Variants in TRPM4 observed in about 807,000 individuals in gnomAD.
TRPM4 encodes transient receptor potential cation channel subfamily M member 4, also known as calcium-activated non-selective cation channel 1.
A neutral mutation model predicts 135.6 loss-of-function variants in TRPM4; 124 were observed. The observed-to-expected ratio is 0.91, with a 90% CI of 0.79 to 1.06. The LOEUF (loss-of-function observed/expected upper bound fraction) is 1.06. Among genes scored for constraint, TRPM4 ranks in the 50% least tolerant of loss-of-function variants. TRPM4 has a pLI of 0.00. For synonymous variants in TRPM4, 745 were observed against 705.6 expected, an observed-to-expected ratio of 1.06 and a Z score of -0.88; for missense variants, 1,658 against 1,671.4, an observed-to-expected ratio of 0.99 and a Z score of 0.14.
chr19:49,190,432 AG>A, intron 15 of TRPM4, 112 bp downstream of exon 15: 1 of 1,017,608 alleles, frequency 9.8e-7, no homozygotes. Context: ...TCCCTTCCCT[AG>A]GAATGGGACT....
In TRPM4 at chr19:49,200,430, A is replaced by C. The variant is rs1187746752; in HGVS notation, c.2776A>C (p.Met926Leu). Reference protein sequence around the residue: ...LGPKIVIVSKMMKDVFFFLFF... With the variant: ...LGPKIVIVSKLMKDVFFFLFF... ...GCCCAAGATCGTCATCGTGAGCAAGATGGTGAGGCAGGGGCGGGGCCAAAG... is the reference window on the plus strand; with the variant it reads ...GCCCAAGATCGTCATCGTGAGCAAGCTGGTGAGGCAGGGGCGGGGCCAAAG... The change falls in exon 18 of 25, where the codon ATG (methionine) becomes CTG (leucine). Residue 926 changes from methionine (M) to leucine (L), a missense_variant and splice_region_variant. Met to Leu is a conservative substitution (Grantham distance 15). Around this residue, in one of 3 missense-constraint regions of TRPM4, gnomAD observed 1,412 missense variants for 1,408.7 expected, o/e 1.00. Transcript: ENST00000252826. 13 of 1,347,624 alleles carry C rather than the reference A, an allele frequency of 9.6e-6. No homozygotes were observed. The highest frequency in any genetic ancestry group is 1.1e-5 in the Non-Finnish European group (11 of 1,008,792). The allele number at this position is 1,347,624 out of a possible 1,614,324, so 83.5% of individuals were successfully genotyped here.
At chr19:49,204,611 C>T (rs1969074732) in intron 20 of TRPM4, among the ~76,000 whole-genome samples, 1 of 152,046 alleles carries the variant, frequency 6.6e-6, no homozygotes, top group Non-Finnish European at 1.5e-5. Flanking sequence ...ACACCTGCAG[C>T]CTCAACCTCC....
At position 49,211,212 on chromosome 19, in the gene TRPM4, C is replaced by T. The variant is rs1408610953; in HGVS notation, c.3583C>T (p.Arg1195Cys). ...GGGGTGGGTGGCCGAGGCCCTGAGC[C>T]GCTCTGCCTTGCTGCCCCCAGGTGG... is the stretch of plus-strand genomic sequence containing the variant. ...VLGWVAEALS[R>C]SALLPPGGPP... Residue 1195 changes from arginine (R) to cysteine (C), a missense_variant, in exon 24 of 25, where the codon CGC becomes TGC. By Grantham distance (180) the Arg-to-Cys change is radical. Transcript: ENST00000252826. The surrounding 1 kb of genome is among the most constrained non-coding windows in gnomAD (Gnocchi z 4.8). The T allele has an allele frequency of 9.4e-6, 15 of 1,599,896 alleles. No individual in the cohort carries two copies. The highest frequency in any genetic ancestry group is 1.3e-5 in the African/African-American group (1 of 74,774).
At chr19:49,209,921 G>T (rs1272220715) in intron 20 of TRPM4, among the ~76,000 whole-genome samples, 2 of 152,004 alleles carry the variant, frequency 1.3e-5, no homozygotes, top group East Asian at 3.9e-4. Flanking sequence ...GCTAATTTTT[G>T]TATTTTTAGT....
intron 20 of TRPM4, among the ~76,000 whole-genome samples, chr19:49,205,167 G>A (rs1290005635): frequency 6.6e-6 from 1 of 151,808 alleles, no homozygotes; most frequent in African/African-American, 2.4e-5. Flanking sequence ...AAAACTGTGT[G>A]GCTTTAAATC....
intron 12 of TRPM4, among the ~76,000 whole-genome samples, chr19:49,183,496 A>G (rs1046285687): frequency 6.6e-6 from 1 of 152,016 alleles, no homozygotes; most frequent in Non-Finnish European, 1.5e-5. Flanking sequence ...TCCCGGGTTC[A>G]AGTAATTCTC....
At position 49,157,813 on chromosome 19, in the gene TRPM4, G is replaced by T; in HGVS notation, c.-54G>T. Reference sequence around the variant, plus strand: ...CTGGGCGGGTCTGGAAGCAGAGCCGGCGGAGGGAGCGCCGGGGCCCTGGGC... The same window carrying T: ...CTGGGCGGGTCTGGAAGCAGAGCCGTCGGAGGGAGCGCCGGGGCCCTGGGC... On this transcript the variant is annotated 5_prime_UTR_variant, in exon 1 of 25. Transcript: ENST00000252826. 1 of 1,533,438 alleles carries T rather than the reference G, an allele frequency of 6.5e-7. No individual in the cohort carries two copies. The highest frequency in any genetic ancestry group is 8.7e-7 in the Non-Finnish European group (1 of 1,145,778). 95.0% of individuals were successfully genotyped at this position (1,533,438 alleles called of 1,614,324 possible). A position where few individuals can be genotyped will look rare whatever the true frequency, so the allele number is the denominator to read the frequency against.
chr19:49,174,776 C>T (rs1290266017), intron 9 of TRPM4, among the ~76,000 whole-genome samples: 1 of 149,828 alleles, frequency 6.7e-6, no homozygotes, highest in Non-Finnish European at 1.5e-5. Flanking sequence ...AATAAATAAA[C>T]CAAATAAACT....
At position 49,175,011 on chromosome 19, in the gene TRPM4, C is replaced by T. The variant is rs574077962; in HGVS notation, c.1150+2903C>T. Among the ~76,000 whole-genome samples the T allele has an allele frequency of 2.0e-5, 3 of 150,234 alleles. No individual in the cohort carries two copies. In the South Asian group the frequency reaches 6.3e-4, roughly 32 times the overall value. ...CTTGACCTCCTGGGCTCAAGAGATC[C>T]TCTCACCTCAGCCCCACAAGTAGCT... On this transcript the variant is annotated intron_variant, in intron 9 of 24. Coordinates refer to ENST00000252826, the MANE Select transcript of TRPM4 (RefSeq NM_017636.4).
intron 1 of TRPM4, 135 bp from the exon 2 acceptor site, chr19:49,158,057 G>A: frequency 7.9e-7 from 1 of 1,259,782 alleles, no homozygotes; most frequent in South Asian, 1.3e-5. Context: ...TCCTGAGTCT[G>A]GAGCGGGAGG....
At chr19:49,196,321 A>G in intron 16 of TRPM4, 119 bp from the exon 17 acceptor site, 1 of 910,554 alleles carries the variant, frequency 1.1e-6, no homozygotes, top group Admixed American at 2.9e-5. Context: ...AGCTCTGGGC[A>G]GACTGAGTTT....
In TRPM4 at chr19:49,195,869, T is replaced by TTTATTATTATTATTATTA. The variant is rs746763684; in HGVS notation, c.2211-565_2211-548dup. On this transcript the variant is annotated intron_variant, in intron 16 of 24. Transcript: ENST00000252826. ...TGGCTAAATTTTTATTTTTATTTATTTTATTATTATTATTATTATTATTTT... is the reference window on the plus strand; with the variant it reads ...TGGCTAAATTTTTATTTTTATTTATTTTATTATTATTATTATTATTATTATTATTATTATTATTATTTT... Among the ~76,000 whole-genome samples, 1,034 of 148,814 alleles carry TTTATTATTATTATTATTA rather than the reference T, an allele frequency of 6.9e-3. 18 individuals are homozygous for TTTATTATTATTATTATTA. Among genetic ancestry groups the TTTATTATTATTATTATTA allele is most frequent in the African/African-American group, 0.024 (971 of 40,308 alleles).
chr19:49,166,044 G>A lies in TRPM4; in HGVS notation c.96G>A (p.Gly32=), dbSNP rs1967160337. The A allele has an allele frequency of 1.3e-6, 2 of 1,594,310 alleles. No homozygotes were observed. The highest frequency in any genetic ancestry group is 1.7e-6 in the Non-Finnish European group (2 of 1,172,604). The change falls in exon 3 of 25, where the codon GGG becomes GGA. Residue 32 remains glycine (G), a synonymous_variant. Transcript: ENST00000252826. ...TFIVDSTDPG[G]TLCQCGRPRT... ...CGCTCCGCCCTCGCACCCCCAGAGG[G>A]ACCTTGTGCCAGTGTGGGCGCCCCC...
chr19:49,166,110 G>A lies in TRPM4; in HGVS notation c.162G>A (p.Gly54=), dbSNP rs1313182171. ...HPAVAMEDAF[G]AAVVTVWDSD... is the part of the protein sequence containing the mutation. ...CAGTGGCCATGGAGGATGCCTTCGGGGCAGCCGTGGTGACCGTGTGGGACA... is the reference window on the plus strand; with the variant it reads ...CAGTGGCCATGGAGGATGCCTTCGGAGCAGCCGTGGTGACCGTGTGGGACA... The change falls in exon 3 of 25, where the codon GGG becomes GGA. Residue 54 remains glycine (G), a synonymous_variant. Coordinates refer to ENST00000252826, the MANE Select transcript of TRPM4 (RefSeq NM_017636.4). 2 of 1,603,416 alleles carry A rather than the reference G, an allele frequency of 1.2e-6. No homozygotes were observed. The highest frequency in any genetic ancestry group is 1.7e-5 in the Admixed American group (1 of 58,116).
chr19:49,198,765 C>T (rs959448841), intron 17 of TRPM4, among the ~76,000 whole-genome samples: 1 of 148,644 alleles, frequency 6.7e-6, no homozygotes, highest in African/African-American at 2.5e-5. Context: ...CTCTTTCTTT[C>T]TTTTTTTGTT....
At position 49,181,377 on chromosome 19, in the gene TRPM4, C is replaced by T; in HGVS notation, c.1179C>T (p.Tyr393=). 1 of 1,613,984 alleles carries T rather than the reference C, an allele frequency of 6.2e-7. No individual in the cohort carries two copies. Among genetic ancestry groups the T allele is most frequent in the African/African-American group, 1.3e-5 (1 of 75,010 alleles). The change falls in exon 10 of 25, where the codon TAC becomes TAT. Residue 393 remains tyrosine (Y), a synonymous_variant. Transcript: ENST00000252826. ...KACGSSEASA[Y]LDELRLAVAW... ...GTGGGAGCTCGGAGGCCTCAGCCTA[C>T]CTGGATGAGCTGCGTTTGGCTGTGG... is the stretch of plus-strand genomic sequence containing the variant.
chr19:49,201,744 C>T (rs1433004411), intron 19 of TRPM4, among the ~76,000 whole-genome samples: 8 of 152,228 alleles, frequency 5.3e-5, no homozygotes, highest in South Asian at 2.1e-4. Context: ...ACTACAGGCG[C>T]GTGCCACCAC....
intron 1 of TRPM4, 25 bp from the exon 2 acceptor site, chr19:49,158,167 C>G (rs2041552322): frequency 1.2e-6 from 2 of 1,610,322 alleles, no homozygotes; most frequent in Admixed American, 1.7e-5. Context: ...CCCACTTCCA[C>G]CCCTACATTT....
At chr19:49,178,486 C>A (rs1365357079) in intron 9 of TRPM4, among the ~76,000 whole-genome samples, 2 of 151,816 alleles carry the variant, frequency 1.3e-5, no homozygotes, top group Non-Finnish European at 2.9e-5. Flanking sequence ...GGACGTGGGA[C>A]ATGAAGCTTG....
Sources: gnomAD v4.1 joint callset for allele counts (sites outside exome capture counted in the v4.1 genomes callset) on GRCh38, gnomAD v4.1.1 for gene constraint, gnomAD v4.1.1 regional missense constraint, Gnocchi (gnomAD v3.1) non-coding constraint, MANE v1.5 for transcripts, NCBI Gene and HGNC (gene_info 2026-07-23, HGNC 2026-07-21) for gene names.